The following COL16A1 variants were observed in gnomAD, a reference collection of about 807,000 sequenced individuals.
The protein encoded by COL16A1 is collagen type XVI alpha 1 chain.
In COL16A1, 189 loss-of-function variants were observed where a neutral mutation model predicts 266.3. That is an observed-to-expected ratio of 0.71 (90% CI 0.63 to 0.80). The LOEUF (loss-of-function observed/expected upper bound fraction) is 0.80, where lower values mean the gene tolerates loss of function less well. Among genes scored for constraint, COL16A1 ranks in the 30% least tolerant of loss-of-function variants. COL16A1 has a pLI of 0.00. For synonymous variants in COL16A1, 740 were observed against 782.3 expected (o/e 0.95, Z 0.90); for missense variants, 1,928 against 2,122.4 (o/e 0.91, Z 1.80).
Position 31,696,354 on chromosome 1 carries a change from C to G in COL16A1, c.865-213G>C, listed in dbSNP as rs368701686. 7.9e-4 allele frequency among the ~76,000 whole-genome samples: 98 copies of G among 124,642 alleles called. 2 individuals are homozygous for G. The East Asian group carries it at 0.013, about 17-fold the overall frequency. The allele number at this position is 124,642 out of a possible 152,430, so 81.8% of individuals were successfully genotyped here. A position where few individuals can be genotyped will look rare whatever the true frequency, so the allele number is the denominator to read the frequency against. On this transcript the variant is annotated intron_variant, in intron 8 of 70. Coordinates refer to ENST00000373672, the MANE Select transcript of COL16A1 (RefSeq NM_001856.4). Reference sequence around the variant, plus strand: ...CCCACCCACCCATGTGATGTCAGAGCCAACAAGACCATGCATCAATGGGAT... The same window carrying G: ...CCCACCCACCCATGTGATGTCAGAGGCAACAAGACCATGCATCAATGGGAT...
intron 49 of COL16A1, among the ~76,000 whole-genome samples, chr1:31,669,641 G>A (rs767859425): frequency 2.6e-5 from 4 of 152,032 alleles, no homozygotes; most frequent in East Asian, 1.9e-4. Flanking sequence ...AGATGAGGAC[G>A]TGGGGACAGA....
chr1:31,696,939 C>T, intron 8 of COL16A1, 24 bp downstream of exon 8: 1 of 1,612,938 alleles, frequency 6.2e-7, no homozygotes, highest in Middle Eastern at 1.8e-4. Flanking sequence ...CCTGTGCTGG[C>T]ATCCACCTGT....
Position 31,697,824 on chromosome 1 carries a change from C to T in COL16A1, c.657+82G>A. 1.4e-6 allele frequency: 2 copies of T among 1,473,318 alleles called. No homozygotes were observed. The highest frequency in any genetic ancestry group is 2.6e-5 in the South Asian group (2 of 75,918). The allele number at this position is 1,473,318 out of a possible 1,614,324, so 91.3% of individuals were successfully genotyped here. ...GGGAAGATTCTAAGCAGGAGAAGGA[C>T]TTGTTCCGATACGGATTCCAGGAAG... On this transcript the variant is annotated intron_variant, in intron 6 of 70. Transcript: ENST00000373672. This position sits in a 1 kb window ranked among gnomAD's most constrained non-coding sequence, Gnocchi z 4.2.
intron 39 of COL16A1, among the ~76,000 whole-genome samples, chr1:31,680,582 A>G (rs1643561001): frequency 1.3e-5 from 2 of 151,918 alleles, no homozygotes; most frequent in Non-Finnish European, 2.9e-5. Flanking sequence ...CTCAGCCCCC[A>G]TTTGAAAATG....
Position 31,685,753 on chromosome 1 carries a change from C to G in COL16A1, c.1902G>C (p.Pro634=), listed in dbSNP as rs763068140. The change falls in exon 29 of 71, where the codon CCG becomes CCC. Residue 634 remains proline, a synonymous_variant. Transcript: ENST00000373672. The surrounding 1 kb of genome is among the most constrained non-coding windows in gnomAD (Gnocchi z 4.0). Reference sequence around the variant, plus strand: ...CCTGAAGGTTGGACAGGGCTGGGCACGGCTCACAGGGCTCCCCCTGCCAAG... The same window carrying G: ...CCTGAAGGTTGGACAGGGCTGGGCAGGGCTCACAGGGCTCCCCCTGCCAAG... ...IKGAKGEPCE[P]CPALSNLQDG... is the part of the protein sequence containing the mutation. The G allele has an allele frequency of 6.2e-7, 1 of 1,613,944 alleles. No homozygotes were observed. The highest frequency in any genetic ancestry group is 8.5e-7 in the Non-Finnish European group (1 of 1,180,022).
intron 4 of COL16A1, among the ~76,000 whole-genome samples, chr1:31,699,580 T>C (rs1644643344): frequency 6.6e-6 from 1 of 152,184 alleles, no homozygotes; most frequent in Admixed American, 6.5e-5. Context: ...GATGCAGACC[T>C]GTTCCCACCC....
intron 37 of COL16A1, 48 bp from the exon 38 acceptor site, chr1:31,681,115 A>G (rs1643608543): frequency 2.5e-6 from 4 of 1,575,042 alleles, no homozygotes; most frequent in Non-Finnish European, 3.4e-6. Context: ...GGCAGCGGCC[A>G]GCCATCTGGC....
intron 1 of COL16A1, 50 bp from the exon 2 acceptor site, chr1:31,702,277 A>C (rs1644751219): frequency 1.9e-6 from 3 of 1,589,690 alleles, no homozygotes; most frequent in Non-Finnish European, 2.6e-6. Flanking sequence ...CACACAGCAC[A>C]ACTCCACACG....
intron 47 of COL16A1, among the ~76,000 whole-genome samples, 183 bp downstream of exon 47, chr1:31,672,233 G>C (rs951317093): frequency 6.6e-6 from 1 of 152,184 alleles, no homozygotes; most frequent in Non-Finnish European, 1.5e-5. Context: ...CTGGGCACTG[G>C]GGAGAAAGAG....
chr1:31,688,627 A>G lies in COL16A1; in HGVS notation c.1768-125T>C. On this transcript the variant is annotated intron_variant, in intron 25 of 70. Coordinates refer to ENST00000373672, the MANE Select transcript of COL16A1 (RefSeq NM_001856.4). The surrounding 1 kb of genome is among the most constrained non-coding windows in gnomAD (Gnocchi z 4.9). ...GGAATTATGTCCTTCAGGTAGCTGG[A>G]CAGTTTCTTCAGTTAGACAACTGAA... is the stretch of plus-strand genomic sequence containing the variant. 1 of 1,373,724 alleles carries G rather than the reference A, an allele frequency of 7.3e-7. No homozygotes were observed. Among genetic ancestry groups the G allele is most frequent in the Non-Finnish European group, 1.0e-6 (1 of 965,256 alleles). 85.1% of individuals were successfully genotyped at this position (1,373,724 alleles called of 1,614,324 possible).
At position 31,656,088 on chromosome 1, in the gene COL16A1, C is replaced by T. The variant is rs1641120609; in HGVS notation, c.4101+312G>A. The T allele has an allele frequency of 2.3e-6, 1 of 443,816 alleles. No individual in the cohort carries two copies. The highest frequency in any genetic ancestry group is 4.1e-6 in the Non-Finnish European group (1 of 246,288). 27.5% of individuals were successfully genotyped at this position (443,816 alleles called of 1,614,324 possible). ...TTGTGAGCACCTATTGTTCAGGGAC[C>T]TCTGTTTACCTGAGGCCAGGACAAG... On this transcript the variant is annotated intron_variant, in intron 66 of 70. Coordinates refer to ENST00000373672, the MANE Select transcript of COL16A1 (RefSeq NM_001856.4). The surrounding 1 kb of genome is among the most constrained non-coding windows in gnomAD (Gnocchi z 4.2).
chr1:31,694,121 T>G (rs1161462415), intron 12 of COL16A1, 23 bp downstream of exon 12: 8 of 1,599,338 alleles, frequency 5.0e-6, no homozygotes, highest in Non-Finnish European at 6.8e-6. Context: ...GACGGGAATG[T>G]CCCGTTCTCC....
intron 11 of COL16A1, 70 bp from the exon 12 acceptor site, chr1:31,694,240 G>A (rs899037419): frequency 7.2e-6 from 10 of 1,382,398 alleles, no homozygotes; most frequent in Middle Eastern, 1.8e-4. Flanking sequence ...GAGAAGTCAA[G>A]CAATTTAGAC....
chr1:31,665,818 G>C (rs1235437771), intron 54 of COL16A1, 64 bp downstream of exon 54: 3 of 1,611,606 alleles, frequency 1.9e-6, no homozygotes, highest in African/African-American at 1.3e-5. Flanking sequence ...GACTAGAGCT[G>C]GTGATCACCA....
Position 31,656,781 on chromosome 1 carries a change from T to C in COL16A1, c.4056+252A>G, listed in dbSNP as rs1272953363. 1 of 570,538 alleles carries C rather than the reference T, an allele frequency of 1.8e-6. No homozygotes were observed. The highest frequency in any genetic ancestry group is 2.9e-5 in the East Asian group (1 of 34,702). 35.3% of individuals were successfully genotyped at this position (570,538 alleles called of 1,614,324 possible). ...GTTTGGAATTTATTATTATCATTAT[T>C]ATTGTTGTTGTTGTTGTTTCTTTTT... On this transcript the variant is annotated intron_variant, in intron 65 of 70. Transcript: ENST00000373672. The surrounding 1 kb of genome is among the most constrained non-coding windows in gnomAD (Gnocchi z 4.2).
chr1:31,687,210 C>T (rs1644021592), intron 26 of COL16A1, among the ~76,000 whole-genome samples: 1 of 151,916 alleles, frequency 6.6e-6, no homozygotes, highest in Admixed American at 6.6e-5. Context: ...GGCAAAACCC[C>T]GTCTCTACTA....
rs776324819 is a variant in COL16A1, at chr1:31,691,427, G to A, written c.1388C>T (p.Pro463Leu). 2 of 1,611,678 alleles carry A rather than the reference G, an allele frequency of 1.2e-6. No homozygotes were observed. The highest frequency in any genetic ancestry group is 3.3e-4 in the Middle Eastern group (2 of 6,046). The change falls in exon 19 of 71, where the codon CCT (proline) becomes CTT (leucine). Residue 463 changes from proline (P) to leucine (L), a missense_variant. Transcript: ENST00000373672. ...CAAGGGGGTACTCACCGGGGTCCCA[G>A]GCAGTCCTATCCCAGGGGGTCCAGG... The part of the protein sequence containing the change: ...GLPGPPGIGL[P>L]GTPGDPGGPP...
chr1:31,683,387 C>A lies in COL16A1; in HGVS notation c.2380-18G>T, dbSNP rs868052728. On this transcript the variant is annotated intron_variant, in intron 34 of 70. Coordinates refer to ENST00000373672, the MANE Select transcript of COL16A1 (RefSeq NM_001856.4). Reference sequence around the variant, plus strand: ...GGCTCCCCCTGCAAGTCAGAAAGGGCAGACTAGGGCACAGCAGCCACAGCC... The same window carrying A: ...GGCTCCCCCTGCAAGTCAGAAAGGGAAGACTAGGGCACAGCAGCCACAGCC... 6.2e-7 allele frequency: 1 copy of A among 1,613,614 alleles called. No individual in the cohort carries two copies. Among genetic ancestry groups the A allele is most frequent in the East Asian group, 2.2e-5 (1 of 44,882 alleles).
chr1:31,660,538 A>G (rs1641559944), intron 62 of COL16A1, 47 bp downstream of exon 62: 8 of 1,605,060 alleles, frequency 5.0e-6, no homozygotes, highest in African/African-American at 1.3e-5. Context: ...CCACCCCGCC[A>G]AAATGCTAAC....
Sources: gnomAD v4.1 joint callset for allele counts (sites outside exome capture counted in the v4.1 genomes callset) on GRCh38, gnomAD v4.1.1 for gene constraint, Gnocchi (gnomAD v3.1) non-coding constraint, MANE v1.5 for transcripts, NCBI Gene and HGNC (gene_info 2026-07-23, HGNC 2026-07-21) for gene names.